Variants in ZNF337 observed in about 807,000 individuals in gnomAD.
ZNF337 encodes zinc finger protein 337.
In ZNF337, 8 loss-of-function variants were observed where a neutral mutation model predicts 12.1. The observed-to-expected ratio is 0.66, with a 90% CI of 0.39 to 1.19. ZNF337 has a LOEUF of 1.19. Ranked by LOEUF, ZNF337 falls within the 50% of genes most tolerant of loss-of-function variation. ZNF337 has a pLI of 0.01. For missense variants in ZNF337, 882 were observed against 896.6 expected (o/e 0.98, Z 0.21); for synonymous variants, 336 against 320.0 (o/e 1.05, Z -0.53).
chr20:25,696,526 G>A (rs1256421132), intron 1 of ZNF337, among the ~76,000 whole-genome samples: 3 of 152,210 alleles, frequency 2.0e-5, no homozygotes, highest in Non-Finnish European at 4.4e-5. Flanking sequence ...CACGCAACCG[G>A]GAACGGAGAC....
At chr20:25,693,180 G>A (rs930274156) in intron 1 of ZNF337, among the ~76,000 whole-genome samples, 1 of 152,158 alleles carries the variant, frequency 6.6e-6, no homozygotes, top group Non-Finnish European at 1.5e-5. Flanking sequence ...GGATTCAAGC[G>A]ATTATCTTGC....
chr20:25,676,402 C>T lies in ZNF337; in HGVS notation c.886G>A (p.Glu296Lys), dbSNP rs1288058670. ...TTATCGTTAAACCTTCGCCCACACT[C>T]CTGGCATTCATAAGGCTTCTCTCCT... Reference protein sequence around the residue: ...HTGEKPYECQECGRRFNDKSS... With the variant: ...HTGEKPYECQKCGRRFNDKSS... Residue 296 changes from glutamate to lysine, a missense_variant, in exon 5 of 5, where the codon GAG becomes AAG. Physicochemically the swap from Glu to Lys is moderately conservative, Grantham distance 56. Coordinates refer to ENST00000252979, the MANE Select transcript of ZNF337 (RefSeq NM_015655.4). 2 of 1,614,074 alleles carry T rather than the reference C, an allele frequency of 1.2e-6. No homozygotes were observed. The highest frequency in any genetic ancestry group is 1.7e-6 in the Non-Finnish European group (2 of 1,180,044).
chr20:25,688,080 T>C (rs1935332390), intron 1 of ZNF337, among the ~76,000 whole-genome samples: 1 of 152,262 alleles, frequency 6.6e-6, no homozygotes, highest in Admixed American at 6.5e-5. Context: ...TTTTGTTATT[T>C]CTTTCTATAT....
chr20:25,675,198 T>C lies in ZNF337; in HGVS notation c.2090A>G (p.Lys697Arg). 6.2e-7 allele frequency: 1 copy of C among 1,614,262 alleles called. No homozygotes were observed. Among genetic ancestry groups the C allele is most frequent in the Non-Finnish European group, 8.5e-7 (1 of 1,180,046 alleles). ...CQECKRGYTS[K>R]SDLTVHERIH... ...TCTTTCATGCACAGTGAGGTCTGAC[T>C]TACTGGTATAGCCTCGCTTACACTC... The change falls in exon 5 of 5, where the codon AAG becomes AGG. Residue 697 changes from lysine to arginine, a missense_variant. By Grantham distance (26) the Lys-to-Arg change is conservative. Transcript: ENST00000252979.
chr20:25,686,878 C>T, intron 1 of ZNF337: 1 of 191,380 alleles, frequency 5.2e-6, no homozygotes, highest in African/African-American at 2.3e-5. Context: ...CTTGAGAAGG[C>T]CACAGGCAGA....
At chr20:25,692,155 C>T (rs1405779588) in intron 1 of ZNF337, among the ~76,000 whole-genome samples, 1 of 152,164 alleles carries the variant, frequency 6.6e-6, no homozygotes. Context: ...ACAAGGGGCA[C>T]TACTGAGCTG....
chr20:25,687,320 G>A lies in ZNF337; in HGVS notation c.-49-854C>T, dbSNP rs886359516. On this transcript the variant is annotated intron_variant, in intron 1 of 4. Coordinates refer to ENST00000252979, the MANE Select transcript of ZNF337 (RefSeq NM_015655.4). ...CTGGGTTCATTATATTATTTTCTCC[G>A]AATTTTTTGAAAAAAATTCCAGTAG... Among the ~76,000 whole-genome samples the A allele has an allele frequency of 5.3e-5, 8 of 151,906 alleles. No homozygotes were observed. The East Asian group carries it at 7.7e-4, about 15-fold the overall frequency.
In ZNF337 at chr20:25,685,985, G is replaced by C; in HGVS notation, c.154+11C>G. The C allele has an allele frequency of 6.2e-7, 1 of 1,603,728 alleles. No homozygotes were observed. Among genetic ancestry groups the C allele is most frequent in the Non-Finnish European group, 8.5e-7 (1 of 1,177,118 alleles). On this transcript the variant is annotated intron_variant, in intron 3 of 4. Coordinates refer to ENST00000252979, the MANE Select transcript of ZNF337 (RefSeq NM_015655.4). ...AGGCCAAATGTTAGGCTCGAGGGAA[G>C]CCACGCTTACCTAGTGAGACCAGGT...
intron 4 of ZNF337, among the ~76,000 whole-genome samples, chr20:25,684,719 C>A (rs1286291529): frequency 6.6e-6 from 1 of 152,140 alleles, no homozygotes. Context: ...AGTCTTGGAA[C>A]CAACCCAAAT....
At chr20:25,684,423 A>C (rs1205761859) in intron 4 of ZNF337, among the ~76,000 whole-genome samples, 1 of 152,222 alleles carries the variant, frequency 6.6e-6, no homozygotes, top group Non-Finnish European at 1.5e-5. Flanking sequence ...AACCACAATG[A>C]GATACCATCT....
chr20:25,684,688 CA>C (rs1348259306), intron 4 of ZNF337, among the ~76,000 whole-genome samples: 1 of 152,166 alleles, frequency 6.6e-6, no homozygotes, highest in African/African-American at 2.4e-5. Context: ...ATGTTTACTG[CA>C]GCACTTTTCA....
chr20:25,695,477 C>T (rs2065914379), intron 1 of ZNF337, among the ~76,000 whole-genome samples: 1 of 152,188 alleles, frequency 6.6e-6, no homozygotes, highest in Non-Finnish European at 1.5e-5. Context: ...CCCTAAGTGC[C>T]CCCATGAGGT....
Position 25,676,336 on chromosome 20 carries a change from T to C in ZNF337, c.952A>G (p.Lys318Glu). 6.2e-7 allele frequency: 1 copy of C among 1,614,168 alleles called. No homozygotes were observed. Among genetic ancestry groups the C allele is most frequent in the East Asian group, 2.2e-5 (1 of 44,884 alleles). ...CCACACTCCTTGCACACAAAAGGCT[T>C]CTCCCCTGAATGCGCCTTCAAGTGC... Reference protein sequence around the residue: ...NKHLKAHSGEKPFVCKECGRG... With the variant: ...NKHLKAHSGEEPFVCKECGRG... Residue 318 changes from lysine (K) to glutamate (E), a missense_variant, in exon 5 of 5, where the codon AAG (lysine) becomes GAG (glutamate). By Grantham distance (56) the Lys-to-Glu change is moderately conservative (BLOSUM62 1). Coordinates refer to ENST00000252979, the MANE Select transcript of ZNF337 (RefSeq NM_015655.4).
intron 1 of ZNF337, among the ~76,000 whole-genome samples, chr20:25,688,886 T>C (rs1461332816): frequency 6.6e-6 from 1 of 152,136 alleles, no homozygotes; most frequent in East Asian, 1.9e-4. Context: ...CCTAGCACTT[T>C]GGGAGGCTGA....
chr20:25,685,433 A>C (rs946162882), intron 4 of ZNF337, 134 bp downstream of exon 4: 21 of 686,686 alleles, frequency 3.1e-5, no homozygotes, highest in Non-Finnish European at 4.8e-5. Context: ...GACTGGAAGG[A>C]AGGCAGGGCC....
In ZNF337 at chr20:25,676,595, T is replaced by A. The variant is rs1555885226; in HGVS notation, c.693A>T (p.Thr231=). 1 of 1,613,354 alleles carries A rather than the reference T, an allele frequency of 6.2e-7. No individual in the cohort carries two copies. ...SALLLHQNTH[T]GEKSYVCSVC... ...CACTGCACACATAGGACTTCTCTCC[T>A]GTGTGTGTGTTCTGGTGCAAGAGCA... The change falls in exon 5 of 5, where the codon ACA becomes ACT. Residue 231 remains threonine (T), a synonymous_variant. Coordinates refer to ENST00000252979, the MANE Select transcript of ZNF337 (RefSeq NM_015655.4).
In ZNF337 at chr20:25,677,246, A is replaced by C. The variant is rs537872920; in HGVS notation, c.251-209T>G. On this transcript the variant is annotated intron_variant, in intron 4 of 4. Transcript: ENST00000252979. ...TCTAAAAGGCCAGCATTATCCTGATACCAAAACCAGACAAGGACACAGCAA... is the reference window on the plus strand; with the variant it reads ...TCTAAAAGGCCAGCATTATCCTGATCCCAAAACCAGACAAGGACACAGCAA... 7.7e-5 allele frequency: 39 copies of C among 503,922 alleles called. No individual in the cohort carries two copies. In the East Asian group the frequency reaches 1.1e-3, roughly 14 times the overall value. The allele number at this position is 503,922 out of a possible 1,614,324, so 31.2% of individuals were successfully genotyped here.
chr20:25,686,559 G>A (rs2065835736), intron 1 of ZNF337, 93 bp from the exon 2 acceptor site: 1 of 954,862 alleles, frequency 1.0e-6, no homozygotes, highest in Admixed American at 2.4e-5. Flanking sequence ...TGGGGATCTG[G>A]GGAGGGCGCA....
At chr20:25,685,454 A>C in intron 4 of ZNF337, 113 bp downstream of exon 4, 1 of 822,642 alleles carries the variant, frequency 1.2e-6, no homozygotes, top group Non-Finnish European at 2.0e-6. Flanking sequence ...AGGTGGTCTG[A>C]AGAGCAGCCA....
Sources: gnomAD v4.1 joint callset for allele counts (sites outside exome capture counted in the v4.1 genomes callset) on GRCh38, gnomAD v4.1.1 for gene constraint, MANE v1.5 for transcripts, NCBI Gene and HGNC (gene_info 2026-07-23, HGNC 2026-07-21) for gene names.